The following RCCD1 variants were observed in gnomAD, a reference collection of about 807,000 sequenced individuals.
RCCD1 encodes the protein RCC1 domain-containing protein 1.
Under a neutral mutation model 37.6 loss-of-function variants are expected in RCCD1, and 40 were observed. The observed-to-expected ratio is 1.06, with a 90% CI of 0.83 to 1.39. RCCD1 has a LOEUF of 1.39. RCCD1 is among the 40% of genes most tolerant of loss of function. The pLI is 0.00. For missense variants in RCCD1, 577 were observed against 517.3 expected (o/e 1.12, Z -1.12); for synonymous variants, 263 against 230.0 (o/e 1.14, Z -1.30).
chr15:90,960,922 T>G, intron 6 of RCCD1, 103 bp from the exon 7 acceptor site: 102 of 1,056,752 alleles, frequency 9.7e-5, no homozygotes, highest in Non-Finnish European at 1.4e-4. Flanking sequence ...GCAGATCTCA[T>G]GAGGATTGTA....
chr15:90,960,700 G>C (rs1357346635), intron 6 of RCCD1: 3 of 619,440 alleles, frequency 4.8e-6, no homozygotes, highest in Non-Finnish European at 8.4e-6. Flanking sequence ...CTTCTGGTGG[G>C]AGGCTGATGC....
rs773642630 is a variant in RCCD1 at position 90,960,323 on chromosome 15, T to A, written c.779-5T>A. On this transcript the variant is annotated splice_region_variant and splice_polypyrimidine_tract_variant and intron_variant, in intron 5 of 7. Transcript: ENST00000394258. ...GGTGTTCACATCATTATTATCATTC[T>A]GAAGCCACAGAACTGAATGAAGATG... The A allele has an allele frequency of 4.4e-6, 7 of 1,592,792 alleles. No individual in the cohort carries two copies. Among genetic ancestry groups the A allele is most frequent in the Non-Finnish European group, 6.0e-6 (7 of 1,169,050 alleles).
rs763176866 is a variant in RCCD1, at chr15:90,956,687, C to T, written c.-48C>T. 13 of 1,249,912 alleles carry T rather than the reference C, an allele frequency of 1.0e-5. No individual in the cohort carries two copies. In the African/African-American group the frequency reaches 1.1e-4, roughly 10 times the overall value. 77.4% of individuals were successfully genotyped at this position (1,249,912 alleles called of 1,614,324 possible). On this transcript the variant is annotated 5_prime_UTR_variant, in exon 2 of 8. Transcript: ENST00000394258. ...AGCGGGCTCTTCGCAAGAATCCCCCCGGGCCCGCCGCAGCCAGGCGGCGGC... is the reference window on the plus strand; with the variant it reads ...AGCGGGCTCTTCGCAAGAATCCCCCTGGGCCCGCCGCAGCCAGGCGGCGGC...
chr15:90,957,374 A>C lies in RCCD1; in HGVS notation c.428A>C (p.Tyr143Ser), dbSNP rs1187414462. Reference protein sequence around the residue: ...RLPLLPCARAYVSPRAPFYRP... With the variant: ...RLPLLPCARASVSPRAPFYRP... ...CCCCTGCTGCCCTGCGCCCGTGCCT[A>C]CGTGAGCCCGCGGGCGCCCTTCTAC... Residue 143 changes from tyrosine (Y) to serine (S), a missense_variant, in exon 3 of 8, where the codon TAC becomes TCC. By Grantham distance (144) the Tyr-to-Ser change is moderately radical. Coordinates refer to ENST00000394258, the MANE Select transcript of RCCD1 (RefSeq NM_001017919.2). 6.5e-7 allele frequency: 1 copy of C among 1,545,242 alleles called. No homozygotes were observed. Among genetic ancestry groups the C allele is most frequent in the Admixed American group, 2.0e-5 (1 of 50,924 alleles).
chr15:90,957,215 CG>C lies in RCCD1; in HGVS notation c.273del (p.Pro92ArgfsTer53). The C allele has an allele frequency of 7.1e-7, 1 of 1,413,770 alleles. No individual in the cohort carries two copies. The highest frequency in any genetic ancestry group is 3.1e-5 in the Admixed American group (1 of 31,916). The allele number at this position is 1,413,770 out of a possible 1,614,324, so 87.6% of individuals were successfully genotyped here. A position where few individuals can be genotyped will look rare whatever the true frequency, so the allele number is the denominator to read the frequency against. On this transcript the variant is annotated frameshift_variant, in exon 3 of 8. Coordinates refer to ENST00000394258, the MANE Select transcript of RCCD1 (RefSeq NM_001017919.2). LOFTEE classifies it high-confidence loss of function. ...EGLLAVLRAG[P>X]GPEALLQVWA... ...CTCCTCGCGGTGCTGCGCGCCGGGC[CG>C]GGGCCGGAGGCGTTACTGCAGGTCT...
rs112034976 is a variant in RCCD1, at chr15:90,959,827, C to T, written c.680-73C>T. 2.1e-3 allele frequency: 2,466 copies of T among 1,180,922 alleles called. 36 individuals carry two copies. The African/African-American group carries it at 0.033, about 16-fold the overall frequency. 73.2% of individuals were successfully genotyped at this position (1,180,922 alleles called of 1,614,324 possible). ...CTTTAGTTGTCCCCAGGAGCGGATG[C>T]GATGGGGAGGAGAGTTTGGATGGAT... On this transcript the variant is annotated intron_variant, in intron 4 of 7. Transcript: ENST00000394258.
In RCCD1 at chr15:90,961,697, A is replaced by C. The variant is rs755518031; in HGVS notation, c.1059A>C (p.Gln353His). The C allele has an allele frequency of 3.1e-6, 5 of 1,613,888 alleles. No individual in the cohort carries two copies. Among genetic ancestry groups the C allele is most frequent in the Non-Finnish European group, 4.2e-6 (5 of 1,180,002 alleles). ...PRRVEYFVDK[Q>H]LQVKAVTCGP... ...GTGTGGAATACTTTGTAGATAAGCA[A>C]CTCCAAGTAAAGGCTGTCACCTGTG... is the stretch of plus-strand genomic sequence containing the variant. Residue 353 changes from glutamine (Q) to histidine (H), a missense_variant, in exon 8 of 8, where the codon CAA (glutamine) becomes CAC (histidine). Transcript: ENST00000394258.
intron 4 of RCCD1, among the ~76,000 whole-genome samples, chr15:90,958,627 C>CAAA (rs5814447): frequency 3.6e-4 from 27 of 74,966 alleles, no homozygotes; most frequent in Admixed American, 5.8e-4. Flanking sequence ...GACTCAGTCT[C>CAAA]AAAAAAAAAA....
Position 90,957,188 on chromosome 15 carries a change from G to T in RCCD1, c.242G>T (p.Gly81Val). The change falls in exon 3 of 8, where the codon GGG (glycine) becomes GTG (valine). Residue 81 changes from glycine to valine, a missense_variant. Transcript: ENST00000394258. ...TGCAAGGACGCGTGGGCCTCGGAGG[G>T]GCTCCTCGCGGTGCTGCGCGCCGGG... ...GRCKDAWASE[G>V]LLAVLRAGPG... is the part of the protein sequence containing the mutation. 7.2e-7 allele frequency: 1 copy of T among 1,390,048 alleles called. No individual in the cohort carries two copies. The highest frequency in any genetic ancestry group is 9.3e-7 in the Non-Finnish European group (1 of 1,077,688). The allele number at this position is 1,390,048 out of a possible 1,614,324, so 86.1% of individuals were successfully genotyped here.
At position 90,957,191 on chromosome 15, in the gene RCCD1, T is replaced by A; in HGVS notation, c.245T>A (p.Leu82His). ...AAGGACGCGTGGGCCTCGGAGGGGC[T>A]CCTCGCGGTGCTGCGCGCCGGGCCG... is the stretch of plus-strand genomic sequence containing the variant. ...RCKDAWASEGLLAVLRAGPGP... is the reference protein window; with the variant it reads ...RCKDAWASEGHLAVLRAGPGP... Residue 82 changes from leucine (L) to histidine (H), a missense_variant, in exon 3 of 8, where the codon CTC (leucine) becomes CAC (histidine). Physicochemically the swap from Leu to His is moderately conservative, Grantham distance 99 (BLOSUM62 -3). Coordinates refer to ENST00000394258, the MANE Select transcript of RCCD1 (RefSeq NM_001017919.2). 1 of 1,391,028 alleles carries A rather than the reference T, an allele frequency of 7.2e-7. No homozygotes were observed. The highest frequency in any genetic ancestry group is 9.3e-7 in the Non-Finnish European group (1 of 1,077,842). 86.2% of individuals were successfully genotyped at this position (1,391,028 alleles called of 1,614,324 possible).
intron 6 of RCCD1, 27 bp downstream of exon 6, chr15:90,960,525 T>A: frequency 6.3e-7 from 1 of 1,588,052 alleles, no homozygotes; most frequent in Non-Finnish European, 8.5e-7. Flanking sequence ...GGCACTCTGC[T>A]CCACTCGAGC....
intron 6 of RCCD1, chr15:90,960,752 G>A (rs1208493427): frequency 1.5e-5 from 9 of 609,420 alleles, no homozygotes; most frequent in Non-Finnish European, 2.3e-5. Flanking sequence ...TTCCCTGCCC[G>A]CCGCCGCCTC....
At chr15:90,961,088 C>T (rs1187835491) in intron 7 of RCCD1, 34 bp downstream of exon 7, 1 of 1,607,816 alleles carries the variant, frequency 6.2e-7, no homozygotes, top group Non-Finnish European at 8.5e-7. Flanking sequence ...GACCCTGAAA[C>T]CAAGGAGAAG....
chr15:90,955,392 C>T (rs1192082449), intron 1 of RCCD1: 1 of 152,288 alleles, frequency 6.6e-6, no homozygotes, highest in Non-Finnish European at 1.5e-5. Context: ...GGCGTTTCCT[C>T]CAAGGCTGCC....
At chr15:90,960,808 G>T in intron 6 of RCCD1, 1 of 656,486 alleles carries the variant, frequency 1.5e-6, no homozygotes, top group Non-Finnish European at 2.7e-6. Context: ...TGCGGCGCTC[G>T]GTAGCATGGC....
chr15:90,958,966 C>CAAAAAAAAAAAA (rs2037261133), intron 4 of RCCD1, among the ~76,000 whole-genome samples: 1 of 148,614 alleles, frequency 6.7e-6, no homozygotes, highest in African/African-American at 2.5e-5. Flanking sequence ...AAAAAAAAAA[C>CAAAAAAAAAAAA]CCCAACCTTG....
chr15:90,961,798 CTG>C lies in RCCD1; in HGVS notation c.*32_*33del, dbSNP rs780027042. 3 of 1,595,114 alleles carry C rather than the reference CTG, an allele frequency of 1.9e-6. No individual in the cohort carries two copies. In the African/African-American group the frequency reaches 4.0e-5, roughly 21 times the overall value. ...GTGTACGTATATGTATATGCAACAC[CTG>C]TGAGACCCCCATTCAGGTCAAGGAA... On this transcript the variant is annotated 3_prime_UTR_variant, in exon 8 of 8. Transcript: ENST00000394258.
At chr15:90,955,281 AT>A (rs2037148541) in intron 1 of RCCD1, 1 of 152,136 alleles carries the variant, frequency 6.6e-6, no homozygotes, top group Non-Finnish European at 1.5e-5. Context: ...CTTGCTGGTG[AT>A]TGGCCGCCTC....
chr15:90,961,726 C>G lies in RCCD1; in HGVS notation c.1088C>G (p.Pro363Arg). 1 of 1,614,086 alleles carries G rather than the reference C, an allele frequency of 6.2e-7. No individual in the cohort carries two copies. Among genetic ancestry groups the G allele is most frequent in the South Asian group, 1.1e-5 (1 of 91,072 alleles). ...CAAGTAAAGGCTGTCACCTGTGGGC[C>G]GTGGAACACCTACGTGTATGCTGTG... is the stretch of plus-strand genomic sequence containing the variant. The part of the protein sequence containing the change: ...QLQVKAVTCG[P>R]WNTYVYAVEK... The change falls in exon 8 of 8, where the codon CCG becomes CGG. Residue 363 changes from proline to arginine, a missense_variant. Pro to Arg is a moderately radical substitution (Grantham distance 103). Transcript: ENST00000394258.
Sources: allele counts gnomAD v4.1 joint callset (sites outside exome capture counted in the v4.1 genomes callset), GRCh38; gene constraint gnomAD v4.1.1; transcripts MANE v1.5; gene names NCBI Gene and HGNC (gene_info 2026-07-23, HGNC 2026-07-21).